The following SEC24A variants were observed in gnomAD, a reference collection of about 807,000 sequenced individuals.
SEC24A encodes the protein SEC24 homolog A, COPII component.
Under a neutral mutation model 129.4 loss-of-function variants are expected in SEC24A, and 93 were observed. That is an observed-to-expected ratio of 0.72 (90% confidence interval 0.61 to 0.85). The LOEUF (loss-of-function observed/expected upper bound fraction) is 0.85, where lower values mean the gene tolerates loss of function less well. SEC24A is among the 40% of genes least tolerant of loss of function. The pLI, the probability that SEC24A is intolerant of heterozygous loss-of-function variation, is 0.00. For synonymous variants in SEC24A, 460 were observed against 467.3 expected, an observed-to-expected ratio of 0.98 and a Z score of 0.20; for missense variants, 1,264 against 1,307.4, an observed-to-expected ratio of 0.97 and a Z score of 0.51.
chr5:134,707,335 ATT>A (rs765591468), intron 17 of SEC24A, among the ~76,000 whole-genome samples: 3 of 145,032 alleles, frequency 2.1e-5, no homozygotes, highest in Non-Finnish European at 3.0e-5. Context: ...TTATTTATTT[ATT>A]TTTTTTTTTT....
At chr5:134,670,284 A>G (rs1035998703) in intron 3 of SEC24A, among the ~76,000 whole-genome samples, 1 of 152,174 alleles carries the variant, frequency 6.6e-6, no homozygotes, top group African/African-American at 2.4e-5. Flanking sequence ...GTTTCTCCTA[A>G]AAGTTTTACT....
intron 17 of SEC24A, among the ~76,000 whole-genome samples, chr5:134,708,423 A>T (rs186093197): frequency 4.6e-5 from 7 of 152,326 alleles, no homozygotes; most frequent in Admixed American, 2.0e-4. Flanking sequence ...TTCTTTCTCA[A>T]TGGTATATAA....
chr5:134,650,464 A>G (rs1344240580), intron 1 of SEC24A, among the ~76,000 whole-genome samples: 1 of 152,128 alleles, frequency 6.6e-6, no homozygotes, highest in Non-Finnish European at 1.5e-5. Context: ...GGATTTGACC[A>G]CTGTGGTATG....
chr5:134,674,560 A>G (rs1561810339), intron 4 of SEC24A, 55 bp from the exon 5 acceptor site: 10 of 1,507,360 alleles, frequency 6.6e-6, no homozygotes, highest in Middle Eastern at 3.7e-4. Context: ...TTTAAAATAA[A>G]TAAATCAAGT....
intron 6 of SEC24A, 60 bp from the exon 7 acceptor site, chr5:134,675,963 G>T: frequency 8.5e-7 from 1 of 1,179,626 alleles, no homozygotes; most frequent in East Asian, 2.5e-5. Flanking sequence ...AATCTTTGTT[G>T]TTGTTTTCTT....
chr5:134,722,298 C>T (rs1752648751), intron 21 of SEC24A, among the ~76,000 whole-genome samples: 2 of 152,066 alleles, frequency 1.3e-5, no homozygotes, highest in Admixed American at 6.5e-5. Flanking sequence ...CAAGACCAGC[C>T]TGCCCAACAT....
intron 15 of SEC24A, among the ~76,000 whole-genome samples, chr5:134,699,301 C>CGTTTTTTTTTTT (rs1429369613): frequency 1.2e-4 from 16 of 138,414 alleles, no homozygotes; most frequent in South Asian, 4.5e-4. Context: ...CCATTTTATC[C>CGTTTTTTTTTTT]TTTTTTTTTT....
At chr5:134,698,857 T>C (rs1751914880) in intron 15 of SEC24A, among the ~76,000 whole-genome samples, 1 of 151,930 alleles carries the variant, frequency 6.6e-6, no homozygotes, top group African/African-American at 2.4e-5. Flanking sequence ...GGTCTCAAAC[T>C]CCTGACCTCA....
At chr5:134,656,759 C>T (rs1231134635) in intron 1 of SEC24A, among the ~76,000 whole-genome samples, 1 of 150,474 alleles carries the variant, frequency 6.6e-6, no homozygotes, top group Non-Finnish European at 1.5e-5. Flanking sequence ...GGATTACAGG[C>T]ATGAGCCACT....
intron 2 of SEC24A, among the ~76,000 whole-genome samples, chr5:134,663,666 T>A (rs575662831): frequency 9.4e-4 from 143 of 152,188 alleles, no homozygotes; most frequent in Non-Finnish European, 1.5e-3. Context: ...TCTATTTTTT[T>A]AAATAATTTT....
At chr5:134,652,865 G>T in intron 1 of SEC24A, among the ~76,000 whole-genome samples, 1 of 152,020 alleles carries the variant, frequency 6.6e-6, no homozygotes, top group Non-Finnish European at 1.5e-5. Flanking sequence ...TGCGATCTTG[G>T]CTCGCTGCAA....
At chr5:134,663,016 T>TA (rs1216065058) in intron 2 of SEC24A, among the ~76,000 whole-genome samples, 2 of 151,886 alleles carry the variant, frequency 1.3e-5, no homozygotes, top group African/African-American at 4.8e-5. Context: ...ATTTAAGTGT[T>TA]AAAAAAAATG....
chr5:134,686,959 G>C, intron 10 of SEC24A, 57 bp downstream of exon 10: 1 of 975,500 alleles, frequency 1.0e-6, no homozygotes, highest in South Asian at 1.6e-5. Context: ...AAATGAATAA[G>C]TAGTTTTTGA....
intron 4 of SEC24A, 68 bp downstream of exon 4, chr5:134,671,954 G>A (rs1750880435): frequency 2.1e-6 from 2 of 943,358 alleles, no homozygotes; most frequent in South Asian, 2.9e-5. Context: ...TGTGGTAATT[G>A]TACAAATATA....
intron 13 of SEC24A, among the ~76,000 whole-genome samples, chr5:134,695,426 C>T (rs953480774): frequency 2.0e-5 from 3 of 151,064 alleles, no homozygotes; most frequent in Admixed American, 6.6e-5. Context: ...CTGAGGCAGG[C>T]GGATAACCTG....
chr5:134,656,108 A>G (rs1554136347), intron 1 of SEC24A, among the ~76,000 whole-genome samples: 1 of 141,024 alleles, frequency 7.1e-6, no homozygotes, highest in Non-Finnish European at 1.5e-5. Context: ...TTTAAGACAG[A>G]GTCTTGCTCT....
chr5:134,682,403 C>G lies in SEC24A; in HGVS notation c.1412C>G (p.Thr471Ser), dbSNP rs766773320. ...VPEEFLYNPL[T>S]RVYGEPHRRP... ...GAAGAATTCTTGTACAACCCTTTGACCAGAGTTTATGGAGAACCTCACAGA... is the reference window on the plus strand; with the variant it reads ...GAAGAATTCTTGTACAACCCTTTGAGCAGAGTTTATGGAGAACCTCACAGA... The change falls in exon 9 of 23, where the codon ACC (threonine) becomes AGC (serine). Residue 471 changes from threonine (T) to serine (S), a missense_variant. Thr to Ser is a moderately conservative substitution (Grantham distance 58). Transcript: ENST00000398844. 1 of 1,605,052 alleles carries G rather than the reference C, an allele frequency of 6.2e-7. No individual in the cohort carries two copies. The highest frequency in any genetic ancestry group is 1.7e-5 in the Admixed American group (1 of 59,870).
intron 15 of SEC24A, among the ~76,000 whole-genome samples, chr5:134,700,504 T>A (rs1751973389): frequency 6.7e-6 from 1 of 149,432 alleles, no homozygotes; most frequent in Admixed American, 6.7e-5. Flanking sequence ...CAGGTGTGAA[T>A]CACCACGCCC....
intron 4 of SEC24A, among the ~76,000 whole-genome samples, chr5:134,673,844 A>G (rs1186483219): frequency 6.6e-6 from 1 of 152,134 alleles, no homozygotes; most frequent in Non-Finnish European, 1.5e-5. Flanking sequence ...ATCCATTAAC[A>G]AGATTTTTGG....
Sources: gnomAD v4.1 joint callset for allele counts (sites outside exome capture counted in the v4.1 genomes callset) on GRCh38, gnomAD v4.1.1 for gene constraint, MANE v1.5 for transcripts, NCBI Gene and HGNC (gene_info 2026-07-23, HGNC 2026-07-21) for gene names.